The following HRH1 variants were observed in gnomAD, a reference collection of about 807,000 sequenced individuals.
HRH1 encodes histamine receptor H1.
In HRH1, 6 loss-of-function variants were observed where a neutral mutation model predicts 10.3. The observed-to-expected ratio is 0.58, with a 90% CI of 0.32 to 1.15. The LOEUF is 1.15. HRH1 is among the 50% of genes most tolerant of loss of function. The pLI is 0.05. For synonymous variants in HRH1, 242 were observed against 236.7 expected (o/e 1.02, Z -0.21); for missense variants, 514 against 615.3 (o/e 0.84, Z 1.74).
At chr3:11,146,375 A>G (rs1485193558) in intron 1 of HRH1, among the ~76,000 whole-genome samples, 8 of 152,326 alleles carry the variant, frequency 5.3e-5, no homozygotes, top group South Asian at 2.1e-4. Flanking sequence ...CTGGCTTTGT[A>G]GAAAAAGAAA....
intron 1 of HRH1, among the ~76,000 whole-genome samples, chr3:11,237,835 C>T (rs1939229006): frequency 1.3e-5 from 2 of 151,866 alleles, no homozygotes; most frequent in South Asian, 2.1e-4. Context: ...GCCACCACGC[C>T]CTGCTAATTT....
rs1185064752 is a variant in HRH1, at chr3:11,261,440, G to A, written c.*939G>A. 6.0e-6 allele frequency: 1 copy of A among 167,104 alleles called. No homozygotes were observed. Among genetic ancestry groups the A allele is most frequent in the Non-Finnish European group, 1.5e-5 (1 of 68,132 alleles). 10.4% of individuals were successfully genotyped at this position (167,104 alleles called of 1,614,324 possible). ...GGAGCAAATTGAGGTTCAGCAAGGT[G>A]AGAGAGGTACCCAAGGTCACATAGC... On this transcript the variant is annotated 3_prime_UTR_variant, in exon 2 of 2. Coordinates refer to ENST00000431010, the MANE Select transcript of HRH1 (RefSeq NM_001098212.2).
In HRH1 at chr3:11,260,372, C is replaced by T. The variant is rs778860317; in HGVS notation, c.1335C>T (p.Cys445=). The part of the protein sequence containing the change: ...FMVIAFCKNC[C]NEHLHMFTIW... ...TCATTGCCTTCTGCAAGAACTGTTGCAATGAACATTTGCACATGTTCACCA... is the reference window on the plus strand; with the variant it reads ...TCATTGCCTTCTGCAAGAACTGTTGTAATGAACATTTGCACATGTTCACCA... The change falls in exon 2 of 2, where the codon TGC becomes TGT. Residue 445 remains cysteine (C), a synonymous_variant. Transcript: ENST00000431010. The T allele has an allele frequency of 6.2e-7, 1 of 1,614,220 alleles. No individual in the cohort carries two copies. The highest frequency in any genetic ancestry group is 1.7e-5 in the Admixed American group (1 of 60,024).
chr3:11,183,446 AG>A (rs1937394250), intron 1 of HRH1, among the ~76,000 whole-genome samples: 1 of 152,140 alleles, frequency 6.6e-6, no homozygotes, highest in African/African-American at 2.4e-5. Flanking sequence ...ACGAGTAGGT[AG>A]GGGTCGGGGA....
At chr3:11,258,529 C>T (rs1939845075) in intron 1 of HRH1, among the ~76,000 whole-genome samples, 1 of 152,202 alleles carries the variant, frequency 6.6e-6, no homozygotes. Context: ...CCTAAAAACT[C>T]CGCCTCTGCT....
chr3:11,255,706 G>A (rs546702646), intron 1 of HRH1, among the ~76,000 whole-genome samples: 56 of 152,296 alleles, frequency 3.7e-4, no homozygotes, highest in Middle Eastern at 3.4e-3. Context: ...ACTGGAAGCC[G>A]GGAGGAGGCT....
intron 1 of HRH1, among the ~76,000 whole-genome samples, chr3:11,205,445 C>G (rs1938084191): frequency 6.6e-6 from 1 of 152,154 alleles, no homozygotes; most frequent in African/African-American, 2.4e-5. Flanking sequence ...TGTCCTTGGG[C>G]AAGTTTTTTA....
At chr3:11,201,177 G>A (rs892508569) in intron 1 of HRH1, among the ~76,000 whole-genome samples, 4 of 152,190 alleles carry the variant, frequency 2.6e-5, no homozygotes, top group Admixed American at 6.5e-5. Context: ...CTTTCTCAGA[G>A]GATCCCCTCA....
chr3:11,201,794 C>G (rs536619434), intron 1 of HRH1, among the ~76,000 whole-genome samples: 35 of 152,314 alleles, frequency 2.3e-4, no homozygotes, highest in African/African-American at 8.4e-4. Context: ...GCATGTCCAG[C>G]TGGGAAAAAT....
intron 1 of HRH1, chr3:11,226,408 G>GT (rs1938882675): frequency 6.6e-6 from 1 of 152,266 alleles, no homozygotes; most frequent in Non-Finnish European, 1.5e-5. Flanking sequence ...GCAACCTGAA[G>GT]TTTTTGAGAG....
intron 1 of HRH1, among the ~76,000 whole-genome samples, chr3:11,243,114 A>G (rs181702877): frequency 6.6e-5 from 10 of 152,274 alleles, no homozygotes; most frequent in East Asian, 1.9e-4. Context: ...GGGTTTCGCA[A>G]TGCTGGCCAG....
At chr3:11,221,109 C>T (rs978114504) in intron 1 of HRH1, among the ~76,000 whole-genome samples, 2 of 152,152 alleles carry the variant, frequency 1.3e-5, no homozygotes, top group South Asian at 4.1e-4. Context: ...CCACAAGACA[C>T]CTCCATTCAG....
At chr3:11,177,200 G>A (rs1937265100) in intron 1 of HRH1, among the ~76,000 whole-genome samples, 1 of 151,810 alleles carries the variant, frequency 6.6e-6, no homozygotes, top group Non-Finnish European at 1.5e-5. Flanking sequence ...AGGCCCAGGA[G>A]TTCAAGACCA....
At chr3:11,257,209 T>C (rs1448481570) in intron 1 of HRH1, among the ~76,000 whole-genome samples, 2 of 145,546 alleles carry the variant, frequency 1.4e-5, no homozygotes, top group South Asian at 4.4e-4. Flanking sequence ...GCTGAGATGG[T>C]GCCACTGCAC....
At chr3:11,199,947 A>G (rs1937838213) in intron 1 of HRH1, among the ~76,000 whole-genome samples, 1 of 152,232 alleles carries the variant, frequency 6.6e-6, no homozygotes, top group Non-Finnish European at 1.5e-5. Flanking sequence ...AGCTCAGCCC[A>G]TCATGGGAAA....
chr3:11,237,714 C>T (rs1939223275), intron 1 of HRH1, among the ~76,000 whole-genome samples: 1 of 109,090 alleles, frequency 9.2e-6, no homozygotes, highest in East Asian at 3.1e-4. Context: ...CTTGCTCTGT[C>T]AACCAGGCTG....
chr3:11,230,385 A>G (rs1254966894), intron 1 of HRH1, among the ~76,000 whole-genome samples: 1 of 152,190 alleles, frequency 6.6e-6, no homozygotes, highest in Non-Finnish European at 1.5e-5. Flanking sequence ...TCACCAGGGG[A>G]GCTATTAAAA....
chr3:11,222,176 T>G (rs919769636), intron 1 of HRH1, among the ~76,000 whole-genome samples: 1 of 152,140 alleles, frequency 6.6e-6, no homozygotes, highest in African/African-American at 2.4e-5. Context: ...AATAGCTCTC[T>G]TGAACACCCA....
intron 1 of HRH1, among the ~76,000 whole-genome samples, chr3:11,171,124 T>A (rs1559259270): frequency 2.6e-5 from 2 of 78,006 alleles, no homozygotes; most frequent in Non-Finnish European, 4.3e-5. Context: ...TTTTCTTTTC[T>A]TTTTTTTTTT....
Sources: gnomAD v4.1 joint callset for allele counts (sites outside exome capture counted in the v4.1 genomes callset) on GRCh38, gnomAD v4.1.1 for gene constraint, MANE v1.5 for transcripts, NCBI Gene and HGNC (gene_info 2026-07-23, HGNC 2026-07-21) for gene names.